The following BICDL1 variants were observed in gnomAD, a reference collection of about 807,000 sequenced individuals.
BICDL1 encodes BICD family-like cargo adapter 1.
A neutral mutation model predicts 76.8 loss-of-function variants in BICDL1; 20 were observed. The ratio of observed to expected loss-of-function variants is 0.26; its 90% confidence interval spans 0.18 to 0.38. BICDL1 has a LOEUF of 0.38. Ranked by LOEUF, BICDL1 falls within the 10% of genes least tolerant of loss-of-function variation. BICDL1 has a pLI of 1.00. For missense variants in BICDL1, 700 were observed against 798.6 expected (o/e 0.88, Z 1.49); for synonymous variants, 383 against 337.1 (o/e 1.14, Z -1.49).
chr12:119,989,972 G>A lies in BICDL1; in HGVS notation c.104G>A (p.Arg35Gln), dbSNP rs1363752689. ...ELPAAAGDAV[R>Q]SPAAAAALIF... is the part of the protein sequence containing the mutation. ...CCCGCCGCGGCCGGGGACGCAGTCC[G>A]GAGTCCCGCCGCCGCCGCCGCCCTC... The change falls in exon 1 of 10, where the codon CGG (arginine) becomes CAG (glutamine). Residue 35 changes from arginine to glutamine, a missense_variant. Physicochemically the swap from Arg to Gln is conservative, Grantham distance 43. Coordinates refer to ENST00000548673, the MANE Select transcript of BICDL1 (RefSeq NM_001367886.1). 1 of 1,469,162 alleles carries A rather than the reference G, an allele frequency of 6.8e-7. No homozygotes were observed. The highest frequency in any genetic ancestry group is 2.3e-4 in the Middle Eastern group (1 of 4,312). The allele number at this position is 1,469,162 out of a possible 1,614,324, so 91.0% of individuals were successfully genotyped here. A position where few individuals can be genotyped will look rare whatever the true frequency, so the allele number is the denominator to read the frequency against.
intron 2 of BICDL1, among the ~76,000 whole-genome samples, chr12:120,043,004 C>G (rs1952674540): frequency 6.6e-6 from 1 of 152,112 alleles, no homozygotes; most frequent in Non-Finnish European, 1.5e-5. Flanking sequence ...CTCTCATTGG[C>G]TTTGGGATCA....
chr12:120,006,913 C>T (rs960839073), intron 2 of BICDL1, among the ~76,000 whole-genome samples: 1 of 150,778 alleles, frequency 6.6e-6, no homozygotes, highest in Non-Finnish European at 1.5e-5. Flanking sequence ...GATGGATTAT[C>T]GGGCTGAGGG....
intron 2 of BICDL1, among the ~76,000 whole-genome samples, chr12:120,009,746 T>C (rs1046134355): frequency 3.9e-5 from 6 of 152,234 alleles, no homozygotes; most frequent in African/African-American, 9.6e-5. Flanking sequence ...TTGTTACTTA[T>C]GCTGGTTAGC....
rs1162019274 is a variant in BICDL1 at position 120,044,290 on chromosome 12, T to G, written c.646-17420T>G. On this transcript the variant is annotated intron_variant, in intron 2 of 9. Coordinates refer to ENST00000548673, the MANE Select transcript of BICDL1 (RefSeq NM_001367886.1). ...GTCTAAGAAGTCTCCTGGTGAGCCA[T>G]ATGACCAAAACAGGTGGTGGCGGGG... Among the ~76,000 whole-genome samples, 3 of 152,146 alleles carry G rather than the reference T, an allele frequency of 2.0e-5. No individual in the cohort carries two copies. The East Asian group carries it at 5.8e-4, about 29-fold the overall frequency.
chr12:120,073,687 T>G (rs1285941105), intron 6 of BICDL1, among the ~76,000 whole-genome samples: 1 of 152,178 alleles, frequency 6.6e-6, no homozygotes, highest in African/African-American at 2.4e-5. Flanking sequence ...TACAGAAAAC[T>G]TGTGTCTTTC....
rs768095511 is a variant in BICDL1, at chr12:120,061,843, A to C, written c.762+17A>C. 3.8e-6 allele frequency: 6 copies of C among 1,577,572 alleles called. No homozygotes were observed. The African/African-American group carries it at 8.1e-5, about 21-fold the overall frequency. ...CAGGCCGAGGTGAGCCTCCCGACAC[A>C]GCAGTGCTGGAAGGTGGAGTGCTTT... On this transcript the variant is annotated intron_variant, in intron 3 of 9. Coordinates refer to ENST00000548673, the MANE Select transcript of BICDL1 (RefSeq NM_001367886.1).
chr12:120,021,444 G>T (rs1327045726), intron 2 of BICDL1, among the ~76,000 whole-genome samples: 2 of 149,400 alleles, frequency 1.3e-5, no homozygotes, highest in African/African-American at 2.5e-5. Context: ...AAAATTAGCC[G>T]GGCATGGTGG....
intron 2 of BICDL1, among the ~76,000 whole-genome samples, chr12:120,052,667 G>A (rs1952888119): frequency 6.6e-6 from 1 of 152,146 alleles, no homozygotes; most frequent in Non-Finnish European, 1.5e-5. Flanking sequence ...ATACTTTGAG[G>A]ATATGAAAAT....
chr12:120,034,068 AT>A (rs1010132356), intron 2 of BICDL1, among the ~76,000 whole-genome samples: 5 of 152,242 alleles, frequency 3.3e-5, no homozygotes, highest in African/African-American at 1.2e-4. Flanking sequence ...GAGCATTTTG[AT>A]GAAAGTTTTC....
chr12:119,994,599 C>T (rs1337196603), intron 1 of BICDL1, among the ~76,000 whole-genome samples: 3 of 151,808 alleles, frequency 2.0e-5, no homozygotes, highest in Middle Eastern at 3.2e-3. Flanking sequence ...AAACAATTCT[C>T]CTGCCTCAGC....
chr12:120,049,131 G>C (rs1324894182), intron 2 of BICDL1, among the ~76,000 whole-genome samples: 3 of 152,188 alleles, frequency 2.0e-5, no homozygotes, highest in African/African-American at 2.4e-5. Flanking sequence ...TGTGCCTGGG[G>C]TGCTCTGAGA....
chr12:120,084,815 G>A (rs151148353), intron 8 of BICDL1, among the ~76,000 whole-genome samples: 1 of 151,536 alleles, frequency 6.6e-6, no homozygotes, highest in African/African-American at 2.4e-5. Flanking sequence ...ACTTGAACCC[G>A]GGAGGCAGAA....
In BICDL1 at chr12:119,989,674, A is replaced by AG. The variant is rs993149164; in HGVS notation, c.-190dup. On this transcript the variant is annotated 5_prime_UTR_variant, in exon 1 of 10. Coordinates refer to ENST00000548673, the MANE Select transcript of BICDL1 (RefSeq NM_001367886.1). ...GAGCAGCTGAGCCCGGGGGCGGGGGAGGGGGCGCGTGCCGCCGGCGCGGGG... is the reference window on the plus strand; with the variant it reads ...GAGCAGCTGAGCCCGGGGGCGGGGGAGGGGGGCGCGTGCCGCCGGCGCGGGG... Among the ~76,000 whole-genome samples the AG allele has an allele frequency of 3.5e-5, 5 of 141,154 alleles. No individual in the cohort carries two copies. Among genetic ancestry groups the AG allele is most frequent in the South Asian group, 2.3e-4 (1 of 4,442 alleles). 92.6% of individuals were successfully genotyped at this position (141,154 alleles called of 152,430 possible).
At chr12:120,011,627 TA>T (rs202086794) in intron 2 of BICDL1, among the ~76,000 whole-genome samples, 16 of 151,948 alleles carry the variant, frequency 1.1e-4, no homozygotes, top group Non-Finnish European at 2.4e-4. Flanking sequence ...ATCCCCAAAA[TA>T]AAAAAAAGTT....
intron 2 of BICDL1, among the ~76,000 whole-genome samples, chr12:120,008,591 G>A (rs766741835): frequency 6.6e-6 from 1 of 152,160 alleles, no homozygotes; most frequent in Admixed American, 6.5e-5. Context: ...TCCAGGATGG[G>A]TAGTCAATTG....
At chr12:120,053,060 G>A (rs1291657455) in intron 2 of BICDL1, among the ~76,000 whole-genome samples, 5 of 152,058 alleles carry the variant, frequency 3.3e-5, no homozygotes, top group Non-Finnish European at 7.4e-5. Context: ...GATTACAGGC[G>A]TGAGCTACCA....
intron 2 of BICDL1, among the ~76,000 whole-genome samples, chr12:120,056,022 C>T (rs1952964483): frequency 6.6e-6 from 1 of 152,140 alleles, no homozygotes; most frequent in Admixed American, 6.5e-5. Context: ...AAATGCTCAT[C>T]AGTAGGGACT....
chr12:120,064,171 G>C (rs1953167797), intron 3 of BICDL1, among the ~76,000 whole-genome samples: 1 of 152,154 alleles, frequency 6.6e-6, no homozygotes, highest in Non-Finnish European at 1.5e-5. Context: ...GCACTACTTT[G>C]TTTTCTGTAC....
At chr12:120,037,561 G>C (rs998472925) in intron 2 of BICDL1, among the ~76,000 whole-genome samples, 1 of 152,032 alleles carries the variant, frequency 6.6e-6, no homozygotes, top group African/African-American at 2.4e-5. Context: ...ATAGTGCTCA[G>C]CAATGAGAGA....
Sources: allele counts gnomAD v4.1 joint callset (sites outside exome capture counted in the v4.1 genomes callset), GRCh38; gene constraint gnomAD v4.1.1; transcripts MANE v1.5; gene names NCBI Gene and HGNC (gene_info 2026-07-23, HGNC 2026-07-21).